AGPAT5: variants seen among roughly 807,000 people sequenced by gnomAD.
AGPAT5 encodes the protein 1-acylglycerol-3-phosphate O-acyltransferase 5, also known as 1-acyl-sn-glycerol-3-phosphate acyltransferase epsilon.
In AGPAT5, 46 loss-of-function variants were observed where a neutral mutation model predicts 45.6. That is an observed-to-expected ratio of 1.01 (90% CI 0.80 to 1.29). The LOEUF (loss-of-function observed/expected upper bound fraction) is 1.29, where lower values mean the gene tolerates loss of function less well. AGPAT5 is among the 50% of genes most tolerant of loss of function. The pLI is 0.00. For missense variants in AGPAT5, 673 were observed against 450.7 expected (o/e 1.49, Z -4.47); for synonymous variants, 272 against 167.0 (o/e 1.63, Z -4.85).
chr8:6,714,862 T>G (rs746168512), intron 1 of AGPAT5, among the ~76,000 whole-genome samples: 1 of 152,250 alleles, frequency 6.6e-6, no homozygotes, highest in African/African-American at 2.4e-5. Context: ...CCTAGTTTAC[T>G]TTCCCTCTTT....
intron 7 of AGPAT5, among the ~76,000 whole-genome samples, chr8:6,756,450 AC>A (rs954192297): frequency 6.6e-6 from 1 of 151,976 alleles, no homozygotes. Flanking sequence ...ACATGGCAAA[AC>A]CCTGTCTCTA....
chr8:6,738,594 G>A (rs528674524), intron 4 of AGPAT5: 1 of 152,168 alleles, frequency 6.6e-6, no homozygotes, highest in Non-Finnish European at 1.5e-5. Context: ...AGACTTGCTC[G>A]ATGCAGGGTT....
At chr8:6,720,943 A>AC (rs1800476533) in intron 1 of AGPAT5, among the ~76,000 whole-genome samples, 1 of 152,220 alleles carries the variant, frequency 6.6e-6, no homozygotes, top group Non-Finnish European at 1.5e-5. Context: ...GATGGTCCAA[A>AC]CACCTAGTCA....
intron 1 of AGPAT5, among the ~76,000 whole-genome samples, chr8:6,715,905 GATAAC>G (rs1297870515): frequency 1.3e-5 from 2 of 152,144 alleles, no homozygotes; most frequent in African/African-American, 2.4e-5. Context: ...GTTTTCAATT[GATAAC>G]ATAATAAACA....
At chr8:6,719,196 G>C (rs1159841605) in intron 1 of AGPAT5, among the ~76,000 whole-genome samples, 1 of 152,136 alleles carries the variant, frequency 6.6e-6, no homozygotes, top group East Asian at 1.9e-4. Context: ...ATATTCTTCT[G>C]TTTGGACAGA....
intron 2 of AGPAT5, among the ~76,000 whole-genome samples, chr8:6,729,164 G>C (rs1157188684): frequency 6.6e-6 from 1 of 152,070 alleles, no homozygotes; most frequent in African/African-American, 2.4e-5. Context: ...GATTTTTCTT[G>C]GTTAATTTTT....
rs976775034 is a variant in AGPAT5, at chr8:6,761,236, T to C, written c.*3848T>C. ...CTCTCAACAAAATGTTTATTGATGTTGATGAAACAGATCAGTTTTTCCATC... is the reference window on the plus strand; with the variant it reads ...CTCTCAACAAAATGTTTATTGATGTCGATGAAACAGATCAGTTTTTCCATC... On this transcript the variant is annotated 3_prime_UTR_variant, in exon 8 of 8. Coordinates refer to ENST00000285518, the MANE Select transcript of AGPAT5 (RefSeq NM_018361.5). 1.3e-5 allele frequency among the ~76,000 whole-genome samples: 2 copies of C among 152,238 alleles called. No homozygotes were observed. Among genetic ancestry groups the C allele is most frequent in the Admixed American group, 1.3e-4 (2 of 15,288 alleles).
intron 4 of AGPAT5, among the ~76,000 whole-genome samples, chr8:6,740,719 A>G (rs942139926): frequency 1.3e-5 from 2 of 152,064 alleles, no homozygotes; most frequent in African/African-American, 2.4e-5. Flanking sequence ...CTGTATGATC[A>G]TAGGTCATCC....
chr8:6,715,231 TGA>T lies in AGPAT5; in HGVS notation c.219+6348_219+6349del, dbSNP rs1288360602. Among the ~76,000 whole-genome samples, 9 of 152,052 alleles carry T rather than the reference TGA, an allele frequency of 5.9e-5. No homozygotes were observed. In the South Asian group the frequency reaches 1.2e-3, roughly 21 times the overall value. On this transcript the variant is annotated intron_variant, in intron 1 of 7. Transcript: ENST00000285518. Reference sequence around the variant, plus strand: ...ATGCCAGGTTGTTTAGCCTGGTGGGTGAGAGGTAGGGGTTTGGAAAATCTTAC... The same window carrying T: ...ATGCCAGGTTGTTTAGCCTGGTGGGTGAGGTAGGGGTTTGGAAAATCTTAC...
intron 4 of AGPAT5, among the ~76,000 whole-genome samples, chr8:6,739,569 TTTTG>T (rs1296005524): frequency 6.6e-6 from 1 of 152,158 alleles, no homozygotes; most frequent in Non-Finnish European, 1.5e-5. Flanking sequence ...AATTTCAAGT[TTTTG>T]TTTGTTGACC....
At chr8:6,711,548 G>C (rs1237818851) in intron 1 of AGPAT5, among the ~76,000 whole-genome samples, 1 of 152,168 alleles carries the variant, frequency 6.6e-6, no homozygotes, top group Admixed American at 6.5e-5. Context: ...TGAAAATCCA[G>C]TTAAGTCTCT....
intron 6 of AGPAT5, among the ~76,000 whole-genome samples, chr8:6,752,636 C>G (rs1801693042): frequency 6.6e-6 from 1 of 152,078 alleles, no homozygotes; most frequent in Non-Finnish European, 1.5e-5. Context: ...TTCTCTATTA[C>G]CCAAGTGTAT....
At chr8:6,750,433 C>G (rs111717488) in intron 6 of AGPAT5, among the ~76,000 whole-genome samples, 3 of 152,280 alleles carry the variant, frequency 2.0e-5, no homozygotes, top group African/African-American at 7.2e-5. Flanking sequence ...CTGACTTACC[C>G]AGATACCATA....
At chr8:6,717,647 G>A (rs1296281244) in intron 1 of AGPAT5, among the ~76,000 whole-genome samples, 2 of 152,222 alleles carry the variant, frequency 1.3e-5, no homozygotes, top group East Asian at 1.9e-4. Flanking sequence ...TTAACTGGGT[G>A]GGAGCTGTTG....
intron 4 of AGPAT5, chr8:6,738,525 A>G (rs1801131822): frequency 6.6e-6 from 1 of 152,258 alleles, no homozygotes; most frequent in South Asian, 2.1e-4. Context: ...TTGTGAGATT[A>G]CCGAAATATG....
intron 1 of AGPAT5, 52 bp downstream of exon 1, chr8:6,708,939 C>G: frequency 1.3e-6 from 2 of 1,525,628 alleles, no homozygotes; most frequent in Non-Finnish European, 1.8e-6. Flanking sequence ...CTCCCGGGGG[C>G]GCGGACCTCT....
At chr8:6,716,944 G>C (rs964149700) in intron 1 of AGPAT5, among the ~76,000 whole-genome samples, 1 of 152,216 alleles carries the variant, frequency 6.6e-6, no homozygotes, top group African/African-American at 2.4e-5. Context: ...AAGGGATGGA[G>C]ATTTTTGAAT....
At chr8:6,733,406 G>T (rs1563293483) in intron 4 of AGPAT5, among the ~76,000 whole-genome samples, 1 of 152,194 alleles carries the variant, frequency 6.6e-6, no homozygotes, top group Admixed American at 6.5e-5. Flanking sequence ...GGTGAAGGAA[G>T]AATTCTTCAC....
At chr8:6,712,577 G>T (rs568488007) in intron 1 of AGPAT5, among the ~76,000 whole-genome samples, 3 of 152,162 alleles carry the variant, frequency 2.0e-5, no homozygotes, top group Non-Finnish European at 4.4e-5. Flanking sequence ...ATATCCTTGA[G>T]CTGGAGTTTA....
Sources: allele counts gnomAD v4.1 joint callset (sites outside exome capture counted in the v4.1 genomes callset), GRCh38; gene constraint gnomAD v4.1.1; transcripts MANE v1.5; gene names NCBI Gene and HGNC (gene_info 2026-07-23, HGNC 2026-07-21).